FAM13B: variants seen among roughly 807,000 people sequenced by gnomAD.
The protein encoded by FAM13B is protein FAM13B.
Under a neutral mutation model 117.3 loss-of-function variants are expected in FAM13B, and 60 were observed. That is an observed-to-expected ratio of 0.51 (90% confidence interval 0.42 to 0.63). The LOEUF (loss-of-function observed/expected upper bound fraction) is 0.63, where lower values mean the gene tolerates loss of function less well. Ranked by LOEUF, FAM13B falls within the 30% of genes least tolerant of loss-of-function variation. The pLI is 0.00. For missense variants in FAM13B, 972 were observed against 1,091.9 expected (o/e 0.89, Z 1.55); for synonymous variants, 332 against 356.1 (o/e 0.93, Z 0.76).
At chr5:137,977,901 T>C (rs1453683230) in intron 10 of FAM13B, among the ~76,000 whole-genome samples, 1 of 152,224 alleles carries the variant, frequency 6.6e-6, no homozygotes, top group African/African-American at 2.4e-5. Flanking sequence ...TAAGGACATA[T>C]GAAGAAAAGT....
intron 7 of FAM13B, among the ~76,000 whole-genome samples, chr5:137,992,808 G>A (rs1172107357): frequency 1.3e-5 from 2 of 152,286 alleles, no homozygotes; most frequent in East Asian, 1.9e-4. Flanking sequence ...GAATAAGTAC[G>A]TTGAATAATT....
intron 18 of FAM13B, among the ~76,000 whole-genome samples, chr5:137,947,933 G>A (rs2150166576): frequency 6.6e-6 from 1 of 152,228 alleles, no homozygotes; most frequent in Admixed American, 6.5e-5. Flanking sequence ...GGGAAGAGAT[G>A]AGAATGACTA....
chr5:137,977,492 G>A (rs371896166), intron 10 of FAM13B, among the ~76,000 whole-genome samples: 1 of 152,136 alleles, frequency 6.6e-6, no homozygotes, highest in African/African-American at 2.4e-5. Flanking sequence ...ACGAACATGT[G>A]ATGTCTCCCC....
chr5:137,966,753 G>A (rs1770090649), intron 10 of FAM13B, among the ~76,000 whole-genome samples: 15 of 152,218 alleles, frequency 9.9e-5, no homozygotes, highest in Admixed American at 8.5e-4. Flanking sequence ...TGGCAAGAAT[G>A]TGGCACTGTC....
In FAM13B at chr5:137,953,414, T is replaced by A. The variant is rs777323640; in HGVS notation, c.1770A>T (p.Thr590=). The change falls in exon 16 of 24, where the codon ACA becomes ACT. Residue 590 remains threonine, a synonymous_variant. Coordinates refer to ENST00000689681, the MANE Select transcript of FAM13B (RefSeq NM_001385994.1). ...SSKDEKREDR[T]PYQLVKKLQK... ...GAAGTTTCTTGACCAGCTGATAAGGTGTTCTGTCCTCTCTCTTTTCATCTT... is the reference window on the plus strand; with the variant it reads ...GAAGTTTCTTGACCAGCTGATAAGGAGTTCTGTCCTCTCTCTTTTCATCTT... 6.2e-7 allele frequency: 1 copy of A among 1,613,892 alleles called. No homozygotes were observed. The highest frequency in any genetic ancestry group is 8.5e-7 in the Non-Finnish European group (1 of 1,179,824).
intron 10 of FAM13B, among the ~76,000 whole-genome samples, chr5:137,968,115 G>C (rs543693708): frequency 6.6e-6 from 1 of 151,436 alleles, no homozygotes; most frequent in Non-Finnish European, 1.5e-5. Flanking sequence ...CCAGCTACTC[G>C]GGAGGCTGAG....
chr5:138,044,505 T>C (rs1006955949), intron 1 of FAM13B, among the ~76,000 whole-genome samples: 1 of 139,814 alleles, frequency 7.2e-6, no homozygotes, highest in African/African-American at 2.7e-5. Flanking sequence ...TGACCCAAGA[T>C]CACACCATTG....
At chr5:137,953,242 T>C (rs1765532082) in intron 16 of FAM13B, 94 bp downstream of exon 16, 5 of 1,366,008 alleles carry the variant, frequency 3.7e-6, no homozygotes, top group Non-Finnish European at 5.0e-6. Context: ...ATTTGTTACC[T>C]TTCTCACACA....
intron 4 of FAM13B, among the ~76,000 whole-genome samples, chr5:138,014,493 C>T (rs924813828): frequency 6.6e-6 from 1 of 152,222 alleles, no homozygotes; most frequent in African/African-American, 2.4e-5. Context: ...TGAGTTGGAA[C>T]AGTTTCATCC....
Position 137,939,795 on chromosome 5 carries a change from G to A in FAM13B, c.*430C>T. On this transcript the variant is annotated 3_prime_UTR_variant, in exon 24 of 24. Coordinates refer to ENST00000689681, the MANE Select transcript of FAM13B (RefSeq NM_001385994.1). ...TATAGGCTTTTCTTTCAAATTTTCA[G>A]TCATTCTGTAAGAAAAAGGCAACAG... 1 of 1,159,210 alleles carries A rather than the reference G, an allele frequency of 8.6e-7. No homozygotes were observed. Among genetic ancestry groups the A allele is most frequent in the Non-Finnish European group, 1.1e-6 (1 of 929,740 alleles). The allele number at this position is 1,159,210 out of a possible 1,614,324, so 71.8% of individuals were successfully genotyped here.
intron 7 of FAM13B, 122 bp downstream of exon 7, chr5:138,006,868 T>G: frequency 2.0e-6 from 2 of 993,548 alleles, no homozygotes; most frequent in Non-Finnish European, 2.8e-6. Flanking sequence ...CTTCTTGCTC[T>G]TTTTCACACA....
At chr5:137,982,418 G>A (rs1776018159) in intron 10 of FAM13B, among the ~76,000 whole-genome samples, 1 of 152,124 alleles carries the variant, frequency 6.6e-6, no homozygotes, top group Non-Finnish European at 1.5e-5. Context: ...GCCGGGCATG[G>A]TGGCAGGCAC....
intron 7 of FAM13B, among the ~76,000 whole-genome samples, chr5:137,991,491 C>A (rs922280469): frequency 6.6e-6 from 1 of 152,210 alleles, no homozygotes; most frequent in African/African-American, 2.4e-5. Flanking sequence ...CCACTTGTAT[C>A]AGAATCTCCT....
chr5:138,023,905 C>T (rs188636572), intron 1 of FAM13B, among the ~76,000 whole-genome samples: 26 of 152,248 alleles, frequency 1.7e-4, no homozygotes, highest in Admixed American at 3.3e-4. Context: ...TTCTAGCTTG[C>T]GAACAGGTAC....
Position 137,989,591 on chromosome 5 carries a change from G to A in FAM13B, c.849-1276C>T, listed in dbSNP as rs111320169. ...TGTAATCCCAGCACTTTGGGAGACC[G>A]AAGCTGGAGGTTCACTTGAAACCAG... On this transcript the variant is annotated intron_variant, in intron 7 of 23. Transcript: ENST00000689681. Among the ~76,000 whole-genome samples, 26 of 152,200 alleles carry A rather than the reference G, an allele frequency of 1.7e-4. 1 individual carries two copies. The highest frequency in any genetic ancestry group is 4.1e-4 in the African/African-American group (17 of 41,532).
At position 137,974,307 on chromosome 5, in the gene FAM13B, C is replaced by T. The variant is rs1198031011; in HGVS notation, c.1179+10950G>A. On this transcript the variant is annotated intron_variant, in intron 10 of 23. Transcript: ENST00000689681. The stretch of plus-strand genomic sequence containing the variant: ...AAAAATGATGAGTTCATGTCCTTTG[C>T]AGGGACATGGATGAAATTGGAAATC... 9.9e-5 allele frequency among the ~76,000 whole-genome samples: 15 copies of T among 151,884 alleles called. No individual in the cohort carries two copies. The East Asian group carries it at 1.2e-3, about 12-fold the overall frequency.
At chr5:137,964,739 T>C (rs930229562) in intron 10 of FAM13B, among the ~76,000 whole-genome samples, 6 of 151,898 alleles carry the variant, frequency 4.0e-5, no homozygotes, top group Non-Finnish European at 7.4e-5. Flanking sequence ...AAACAGAACC[T>C]TGGTATCTCA....
chr5:137,968,145 C>T (rs1025924455), intron 10 of FAM13B, among the ~76,000 whole-genome samples: 2 of 148,542 alleles, frequency 1.3e-5, no homozygotes, highest in African/African-American at 2.5e-5. Flanking sequence ...TCGCTTGAAC[C>T]CGGGAGGCAG....
At chr5:137,946,041 A>C (rs745644540) in intron 19 of FAM13B, 44 bp from the exon 20 acceptor site, 1 of 1,495,262 alleles carries the variant, frequency 6.7e-7, no homozygotes, top group Non-Finnish European at 9.2e-7. Context: ...TCACAAATCT[A>C]AAATGTCCAA....
Sources: allele counts gnomAD v4.1 joint callset (sites outside exome capture counted in the v4.1 genomes callset), GRCh38; gene constraint gnomAD v4.1.1; transcripts MANE v1.5; gene names NCBI Gene and HGNC (gene_info 2026-07-23, HGNC 2026-07-21).